Variants in IRAG1 observed in about 807,000 individuals in gnomAD.
IRAG1 encodes the protein inositol 1,4,5-triphosphate receptor associated 1, also known as IP3R-associated cGMP kinase substrate.
A neutral mutation model predicts 106.2 loss-of-function variants in IRAG1; 62 were observed. The ratio of observed to expected loss-of-function variants is 0.58; its 90% confidence interval spans 0.48 to 0.72. IRAG1 has a LOEUF of 0.72. IRAG1 is among the 30% of genes least tolerant of loss of function. The pLI, the probability that IRAG1 is intolerant of heterozygous loss-of-function variation, is 0.00. For synonymous variants in IRAG1, 462 were observed against 443.9 expected (o/e 1.04, Z -0.51); for missense variants, 1,064 against 1,140.7 (o/e 0.93, Z 0.97).
Position 10,593,472 on chromosome 11 carries a change from G to A in IRAG1, c.2175+20C>T, listed in dbSNP as rs1460811703. On this transcript the variant is annotated intron_variant, in intron 17 of 20. Coordinates refer to ENST00000423302, the MANE Select transcript of IRAG1 (RefSeq NM_130385.4). Reference sequence around the variant, plus strand: ...TTATTCTACTATTCTGTGCTGGGAGGCAGACATCGTCATACTTACCAAGGC... The same window carrying A: ...TTATTCTACTATTCTGTGCTGGGAGACAGACATCGTCATACTTACCAAGGC... The A allele has an allele frequency of 5.0e-6, 8 of 1,594,378 alleles. No homozygotes were observed. Among genetic ancestry groups the A allele is most frequent in the Non-Finnish European group, 6.9e-6 (8 of 1,162,240 alleles).
At chr11:10,688,458 T>G (rs921796791) in intron 1 of IRAG1, among the ~76,000 whole-genome samples, 3 of 152,200 alleles carry the variant, frequency 2.0e-5, no homozygotes, top group Non-Finnish European at 4.4e-5. Context: ...TTGGGCTCTC[T>G]GGAAACACCC....
chr11:10,639,322 G>A (rs1057288585), intron 2 of IRAG1, among the ~76,000 whole-genome samples: 2 of 152,136 alleles, frequency 1.3e-5, no homozygotes, highest in Non-Finnish European at 2.9e-5. Flanking sequence ...ATATAAATGG[G>A]GGAATGATGG....
intron 17 of IRAG1, 197 bp downstream of exon 17, chr11:10,593,295 G>C (rs1852885663): frequency 2.2e-6 from 1 of 448,330 alleles, no homozygotes; most frequent in African/African-American, 2.0e-5. Flanking sequence ...GAGGGCAGTG[G>C]GACTTCCCAG....
At chr11:10,623,200 G>T (rs957086719) in intron 10 of IRAG1, among the ~76,000 whole-genome samples, 6 of 152,174 alleles carry the variant, frequency 3.9e-5, no homozygotes, top group African/African-American at 1.4e-4. Flanking sequence ...AGCAGGGCTG[G>T]ACTTGCCCAG....
chr11:10,626,686 G>A, intron 8 of IRAG1, 103 bp from the exon 9 acceptor site: 1 of 1,351,882 alleles, frequency 7.4e-7, no homozygotes, highest in Non-Finnish European at 9.8e-7. Flanking sequence ...ACCTTGCCAA[G>A]GGGCCCATTT....
chr11:10,596,177 G>A (rs1471209055), intron 15 of IRAG1, among the ~76,000 whole-genome samples: 2 of 152,150 alleles, frequency 1.3e-5, no homozygotes, highest in South Asian at 2.1e-4. Context: ...ATGTGTTTGA[G>A]TTCAATTTCA....
rs758837973 is a variant in IRAG1 at position 10,626,431 on chromosome 11, G to A, written c.903C>T (p.Thr301=). ...TAACAGGAGCTAGGCCTTTGGGTGTGGTCTCGGGGTACTGGAGGGGATCGA... is the reference window on the plus strand; with the variant it reads ...TAACAGGAGCTAGGCCTTTGGGTGTAGTCTCGGGGTACTGGAGGGGATCGA... ...ENFDPLQYPE[T]TPKGLAPVTN... Residue 301 remains threonine (T), a synonymous_variant, in exon 9 of 21, where the codon ACC becomes ACT. Transcript: ENST00000423302. 3.7e-6 allele frequency: 6 copies of A among 1,613,568 alleles called. No homozygotes were observed. The East Asian group carries it at 1.3e-4, about 36-fold the overall frequency.
intron 15 of IRAG1, among the ~76,000 whole-genome samples, chr11:10,600,342 A>T (rs989289097): frequency 4.0e-5 from 6 of 151,898 alleles, no homozygotes; most frequent in African/African-American, 1.5e-4. Context: ...CCAGACTCTC[A>T]CTCCACCCTA....
chr11:10,615,838 C>T (rs937127715), intron 10 of IRAG1, among the ~76,000 whole-genome samples: 43 of 151,218 alleles, frequency 2.8e-4, no homozygotes, highest in Non-Finnish European at 6.2e-4. Context: ...ATGTAAATGA[C>T]GAGTTAATGG....
chr11:10,639,477 C>T (rs1289879338), intron 2 of IRAG1, among the ~76,000 whole-genome samples: 1 of 152,118 alleles, frequency 6.6e-6, no homozygotes, highest in Non-Finnish European at 1.5e-5. Flanking sequence ...AGAAGGCTCG[C>T]CTTACGGAAC....
chr11:10,654,302 T>C (rs949232397), intron 1 of IRAG1, among the ~76,000 whole-genome samples: 1 of 152,202 alleles, frequency 6.6e-6, no homozygotes, highest in Admixed American at 6.5e-5. Context: ...AGGTGTCAGA[T>C]TCATCCTAGG....
intron 1 of IRAG1, among the ~76,000 whole-genome samples, chr11:10,691,071 C>A (rs1052251975): frequency 1.3e-5 from 2 of 152,102 alleles, no homozygotes; most frequent in Non-Finnish European, 2.9e-5. Context: ...TGTGAGGTGA[C>A]CCAGGAGAGG....
At chr11:10,583,869 G>C (rs1193967208) in intron 18 of IRAG1, among the ~76,000 whole-genome samples, 21 of 152,120 alleles carry the variant, frequency 1.4e-4, no homozygotes, top group Non-Finnish European at 1.5e-5. Flanking sequence ...ATGTAGCTTA[G>C]GTATTCTCTA....
intron 4 of IRAG1, 64 bp downstream of exon 4, chr11:10,631,927 A>G (rs1045363691): frequency 4.9e-6 from 7 of 1,425,578 alleles, no homozygotes; most frequent in Admixed American, 3.4e-5. Context: ...GAAGGAGTCA[A>G]GCCCAGCCAC....
chr11:10,678,924 C>G (rs900891449), intron 1 of IRAG1, among the ~76,000 whole-genome samples: 1 of 152,216 alleles, frequency 6.6e-6, no homozygotes, highest in African/African-American at 2.4e-5. Context: ...CCCACAAGCT[C>G]AACCTCAGCT....
Position 10,687,330 on chromosome 11 carries a change from G to A in IRAG1, c.67+6206C>T, listed in dbSNP as rs1271982109. ...TGATGGTGAGTTCTGAGAAGTACCT[G>A]CATGAATAGCTCAGCCCTCCCTCTT... On this transcript the variant is annotated intron_variant, in intron 1 of 20. Coordinates refer to ENST00000423302, the MANE Select transcript of IRAG1 (RefSeq NM_130385.4). Among the ~76,000 whole-genome samples the A allele has an allele frequency of 2.0e-5, 3 of 152,212 alleles. No individual in the cohort carries two copies. In the East Asian group the frequency reaches 5.8e-4, roughly 29 times the overall value.
chr11:10,636,901 G>A (rs1033676602), intron 2 of IRAG1, among the ~76,000 whole-genome samples: 1 of 152,246 alleles, frequency 6.6e-6, no homozygotes, highest in African/African-American at 2.4e-5. Flanking sequence ...GGATTTGTCA[G>A]TGTAGCTGGT....
intron 2 of IRAG1, among the ~76,000 whole-genome samples, chr11:10,639,674 T>C (rs534174860): frequency 3.9e-5 from 6 of 152,218 alleles, no homozygotes; most frequent in African/African-American, 1.2e-4. Context: ...GCCCAGATCC[T>C]CTGTCTACCT....
In IRAG1 at chr11:10,644,640, T is replaced by C. The variant is rs182134080; in HGVS notation, c.225+7385A>G. On this transcript the variant is annotated intron_variant, in intron 2 of 20. Coordinates refer to ENST00000423302, the MANE Select transcript of IRAG1 (RefSeq NM_130385.4). Reference sequence around the variant, plus strand: ...AGTGCCTAGAGCAGTGCCTGGCACATGGGAGGTACCGTATGAGGGTTCTCA... The same window carrying C: ...AGTGCCTAGAGCAGTGCCTGGCACACGGGAGGTACCGTATGAGGGTTCTCA... Among the ~76,000 whole-genome samples, 30 of 152,292 alleles carry C rather than the reference T, an allele frequency of 2.0e-4. 1 individual carries two copies. The highest frequency in any genetic ancestry group is 7.0e-4 in the African/African-American group (29 of 41,556).
Sources: allele counts gnomAD v4.1 joint callset (sites outside exome capture counted in the v4.1 genomes callset), GRCh38; gene constraint gnomAD v4.1.1; transcripts MANE v1.5; gene names NCBI Gene and HGNC (gene_info 2026-07-23, HGNC 2026-07-21).